KIF5C: variants seen among roughly 807,000 people sequenced by gnomAD.
The protein encoded by KIF5C is kinesin heavy chain isoform 5C.
Under a neutral mutation model 125.2 loss-of-function variants are expected in KIF5C, and 18 were observed. That is an observed-to-expected ratio of 0.14 (90% confidence interval 0.10 to 0.21). KIF5C has a LOEUF of 0.21. KIF5C is among the 10% of genes least tolerant of loss of function. The pLI is 1.00. For synonymous variants in KIF5C, 405 were observed against 434.0 expected (o/e 0.93, Z 0.83); for missense variants, 780 against 1,183.8 (o/e 0.66, Z 5.01).
intron 13 of KIF5C, among the ~76,000 whole-genome samples, chr2:148,979,931 C>G (rs959453871): frequency 6.6e-6 from 1 of 152,176 alleles, no homozygotes; most frequent in Admixed American, 6.5e-5. Flanking sequence ...ATCAAACATG[C>G]ACAATTAATA....
intron 1 of KIF5C, among the ~76,000 whole-genome samples, chr2:148,895,953 C>T (rs1681827549): frequency 1.3e-5 from 2 of 152,066 alleles, no homozygotes; most frequent in African/African-American, 4.8e-5. Flanking sequence ...CCGTTATCAC[C>T]TCATTTATCC....
intron 1 of KIF5C, among the ~76,000 whole-genome samples, chr2:148,881,872 T>A (rs890522276): frequency 1.3e-5 from 2 of 152,160 alleles, no homozygotes; most frequent in Non-Finnish European, 2.9e-5. Flanking sequence ...CTGTGTCTAC[T>A]TATGTAAAAA....
intron 12 of KIF5C, 84 bp from the exon 13 acceptor site, chr2:148,978,838 T>C (rs1681150872): frequency 6.8e-7 from 1 of 1,466,704 alleles, no homozygotes; most frequent in African/African-American, 1.4e-5. Context: ...TCAGCAAGCT[T>C]ATGGTAGCTG....
intron 1 of KIF5C, among the ~76,000 whole-genome samples, chr2:148,911,480 G>A (rs1681335673): frequency 1.3e-5 from 2 of 152,102 alleles, no homozygotes; most frequent in Non-Finnish European, 2.9e-5. Flanking sequence ...AGGCCATGAA[G>A]CCCTTTAAGA....
chr2:148,985,094 C>T (rs1681342163), intron 15 of KIF5C, among the ~76,000 whole-genome samples: 1 of 152,152 alleles, frequency 6.6e-6, no homozygotes, highest in Admixed American at 6.5e-5. Context: ...TGAGCCACCA[C>T]ACCTGGCCAT....
At chr2:148,948,018 A>C (rs148745285) in intron 8 of KIF5C, 8 of 456,604 alleles carry the variant, frequency 1.8e-5, no homozygotes, top group African/African-American at 6.0e-5. Flanking sequence ...CTGAGCAGAA[A>C]GTCATCCGGG....
At chr2:148,928,898 T>C (rs1435552368) in intron 2 of KIF5C, among the ~76,000 whole-genome samples, 1 of 152,186 alleles carries the variant, frequency 6.6e-6, no homozygotes, top group African/African-American at 2.4e-5. Context: ...CTGTTCTTCA[T>C]CTCACTCCAG....
chr2:148,945,181 G>A (rs1259734183), intron 7 of KIF5C, among the ~76,000 whole-genome samples: 1 of 151,784 alleles, frequency 6.6e-6, no homozygotes, highest in Non-Finnish European at 1.5e-5. Context: ...TTGTGCTTTG[G>A]GTGTCATATC....
chr2:148,878,796 C>G (rs941393346), intron 1 of KIF5C: 9 of 152,126 alleles, frequency 5.9e-5, no homozygotes, highest in African/African-American at 1.9e-4. Flanking sequence ...CTGTGGATGA[C>G]CAAAGAAGCC....
chr2:148,976,028 G>A (rs972511161), intron 12 of KIF5C, among the ~76,000 whole-genome samples: 4 of 152,134 alleles, frequency 2.6e-5, no homozygotes, highest in African/African-American at 4.8e-5. Context: ...ACAAGTTGGC[G>A]CTGGCACTCC....
chr2:148,979,119 T>C, intron 13 of KIF5C, 129 bp downstream of exon 13: 1 of 1,238,736 alleles, frequency 8.1e-7, no homozygotes, highest in Admixed American at 3.9e-5. Context: ...AATTTCTTGG[T>C]AGATGTCCCT....
At chr2:148,891,798 A>G (rs544051193) in intron 1 of KIF5C, among the ~76,000 whole-genome samples, 3 of 152,182 alleles carry the variant, frequency 2.0e-5, no homozygotes, top group Admixed American at 2.0e-4. Flanking sequence ...CCCAGGTTCA[A>G]GCGATTTTCC....
intron 15 of KIF5C, among the ~76,000 whole-genome samples, chr2:148,988,328 G>A (rs569806215): frequency 1.3e-5 from 2 of 152,192 alleles, no homozygotes; most frequent in East Asian, 3.9e-4. Flanking sequence ...AGATCTCCAA[G>A]GACAGGAACT....
intron 12 of KIF5C, among the ~76,000 whole-genome samples, chr2:148,974,400 C>G (rs1681003842): frequency 6.6e-6 from 1 of 152,192 alleles, no homozygotes; most frequent in Non-Finnish European, 1.5e-5. Flanking sequence ...ACAGGCTTCT[C>G]TCTTTGAGGT....
chr2:148,901,952 G>A (rs751011798), intron 1 of KIF5C, among the ~76,000 whole-genome samples: 1 of 152,232 alleles, frequency 6.6e-6, no homozygotes, highest in Non-Finnish European at 1.5e-5. Context: ...TGTAAGGAAG[G>A]TATAGTTTTT....
intron 25 of KIF5C, among the ~76,000 whole-genome samples, chr2:149,020,547 G>A (rs928598162): frequency 3.3e-5 from 5 of 152,142 alleles, no homozygotes; most frequent in East Asian, 3.9e-4. Context: ...TATTGAGGCC[G>A]CCCCATTGCA....
chr2:148,907,859 C>T (rs1004407765), intron 1 of KIF5C, among the ~76,000 whole-genome samples: 4 of 152,180 alleles, frequency 2.6e-5, no homozygotes, highest in South Asian at 2.1e-4. Context: ...GGGACATACC[C>T]GGGACAGTCA....
intron 1 of KIF5C, among the ~76,000 whole-genome samples, chr2:148,921,335 C>T (rs1347689647): frequency 3.3e-5 from 5 of 152,208 alleles, no homozygotes; most frequent in African/African-American, 1.2e-4. Context: ...GAAGCCTCAA[C>T]CCAGTTAAAA....
chr2:148,941,579 T>A (rs1331122357), intron 4 of KIF5C, 31 bp from the exon 5 acceptor site: 2 of 1,553,070 alleles, frequency 1.3e-6, no homozygotes, highest in Admixed American at 3.9e-5. Flanking sequence ...CTGCGGCATG[T>A]CTATTCCAAG....
Sources: allele counts gnomAD v4.1 joint callset (sites outside exome capture counted in the v4.1 genomes callset), GRCh38; gene constraint gnomAD v4.1.1; transcripts MANE v1.5; gene names NCBI Gene and HGNC (gene_info 2026-07-23, HGNC 2026-07-21).